Variants in ARHGEF40 observed in about 807,000 individuals in gnomAD.
ARHGEF40 encodes the protein Rho guanine nucleotide exchange factor (GEF) 40.
Under a neutral mutation model 165.9 loss-of-function variants are expected in ARHGEF40, and 98 were observed. The ratio of observed to expected loss-of-function variants is 0.59; its 90% CI spans 0.50 to 0.70. The LOEUF (loss-of-function observed/expected upper bound fraction) is 0.70, where lower values mean the gene tolerates loss of function less well. Ranked by LOEUF, ARHGEF40 falls within the 30% of genes least tolerant of loss-of-function variation. The pLI, the probability that ARHGEF40 is intolerant of heterozygous loss-of-function variation, is 0.00. For synonymous variants in ARHGEF40, 792 were observed against 814.3 expected (o/e 0.97, Z 0.47); for missense variants, 1,815 against 1,968.0 (o/e 0.92, Z 1.47).
At chr14:21,083,776 G>T in intron 16 of ARHGEF40, 59 bp from the exon 17 acceptor site, 6 of 1,512,318 alleles carry the variant, frequency 4.0e-6, no homozygotes, top group South Asian at 1.2e-5. Flanking sequence ...CCCAACCCCT[G>T]AGCTTGGCCC....
intron 17 of ARHGEF40, 138 bp from the exon 18 acceptor site, chr14:21,084,615 C>G: frequency 1.1e-6 from 1 of 912,950 alleles, no homozygotes; most frequent in Non-Finnish European, 1.6e-6. Flanking sequence ...GGACCCTAGG[C>G]TGAGGGCTTC....
chr14:21,090,175 G>T lies in ARHGEF40; in HGVS notation c.*1167G>T. The T allele has an allele frequency of 1.9e-6, 1 of 525,074 alleles. No individual in the cohort carries two copies. Among genetic ancestry groups the T allele is most frequent in the South Asian group, 1.5e-5 (1 of 65,064 alleles). The allele number at this position is 525,074 out of a possible 1,614,324, so 32.5% of individuals were successfully genotyped here. On this transcript the variant is annotated 3_prime_UTR_variant, in exon 24 of 24. Coordinates refer to ENST00000298694, the MANE Select transcript of ARHGEF40 (RefSeq NM_018071.5). This position sits in a 1 kb window ranked among gnomAD's most constrained non-coding sequence, Gnocchi z 4.4. ...GCGACGTCTACAGGGCCCCTGATGGGGCTAGAAGGGTACAGTGCCCCCCAC... is the reference window on the plus strand; with the variant it reads ...GCGACGTCTACAGGGCCCCTGATGGTGCTAGAAGGGTACAGTGCCCCCCAC...
At chr14:21,063,434 G>A in the ARHGEF40 span, among the ~76,000 whole-genome samples, 8 of 152,346 alleles carry the variant, frequency 5.3e-5, no homozygotes, top group Admixed American at 4.6e-4. Context: ...GATTTGGCTT[G>A]GGGTTATTTG....
In ARHGEF40 at chr14:21,082,340, G is replaced by T. The variant is rs61746329; in HGVS notation, c.3348G>T (p.Thr1116=). 0.051 allele frequency: 82,802 copies of T among 1,612,358 alleles called. 2,419 individuals are homozygous for T. Among genetic ancestry groups the T allele is most frequent in the African/African-American group, 0.09 (6,778 of 75,018 alleles). ...EPVPPPGPEL[T]PELRGTWAAA... is the part of the protein sequence containing the mutation. ...TGCCACCCCCTGGGCCTGAGCTGACGCCTGAACTTCGGGGCACCTGGGCTG... is the reference window on the plus strand; with the variant it reads ...TGCCACCCCCTGGGCCTGAGCTGACTCCTGAACTTCGGGGCACCTGGGCTG... Residue 1116 remains threonine (T), a synonymous_variant, in exon 15 of 24, where the codon ACG becomes ACT. Transcript: ENST00000298694.
chr14:21,084,220 T>G (rs1003213366), intron 17 of ARHGEF40, among the ~76,000 whole-genome samples, 170 bp downstream of exon 17: 1 of 152,166 alleles, frequency 6.6e-6, no homozygotes, highest in Admixed American at 6.5e-5. Context: ...GACTTCACTT[T>G]CCTCATTTGT....
In ARHGEF40 at chr14:21,075,469, T is replaced by C. The variant is rs142755673; in HGVS notation, c.1588T>C (p.Leu530=). The C allele has an allele frequency of 6.2e-7, 1 of 1,614,218 alleles. No individual in the cohort carries two copies. The highest frequency in any genetic ancestry group is 2.2e-5 in the East Asian group (1 of 44,888). ...VSDHPDVAWD[L]MASGFLILTG... is the part of the protein sequence containing the mutation. Reference sequence around the variant, plus strand: ...TGATCACCCTGATGTAGCTTGGGACTTGATGGCATCTGGATTCCTCATCCT... The same window carrying C: ...TGATCACCCTGATGTAGCTTGGGACCTGATGGCATCTGGATTCCTCATCCT... The change falls in exon 4 of 24, where the codon TTG becomes CTG. Residue 530 remains leucine (L), a synonymous_variant. Coordinates refer to ENST00000298694, the MANE Select transcript of ARHGEF40 (RefSeq NM_018071.5). The surrounding 1 kb of genome is among the most constrained non-coding windows in gnomAD (Gnocchi z 4.5).
chr14:21,076,293 C>T, intron 5 of ARHGEF40, 67 bp from the exon 6 acceptor site: 1 of 1,321,980 alleles, frequency 7.6e-7, no homozygotes, highest in Non-Finnish European at 1.1e-6. Context: ...GTATGTCTGC[C>T]TTGCCTTATC....
Position 21,072,733 on chromosome 14 carries a change from T to C in ARHGEF40, c.4-312T>C, listed in dbSNP as rs1201177025. ...CCTGTCTTTTCTCTCCTGGGAAAGATCTATGCAATCACCCCAACTCACGAG... is the reference window on the plus strand; with the variant it reads ...CCTGTCTTTTCTCTCCTGGGAAAGACCTATGCAATCACCCCAACTCACGAG... On this transcript the variant is annotated intron_variant, in intron 1 of 23. Transcript: ENST00000298694. The surrounding 1 kb of genome is among the most constrained non-coding windows in gnomAD (Gnocchi z 4.1). Among the ~76,000 whole-genome samples, 12 of 152,056 alleles carry C rather than the reference T, an allele frequency of 7.9e-5. No individual in the cohort carries two copies. Among genetic ancestry groups the C allele is most frequent in the Admixed American group, 7.9e-4 (12 of 15,262 alleles).
intron 13 of ARHGEF40, chr14:21,081,244 G>A (rs1430565334): frequency 4.9e-6 from 4 of 812,562 alleles, no homozygotes; most frequent in South Asian, 3.7e-5. Flanking sequence ...ATTACACGAG[G>A]CAATACATAA....
chr14:21,087,826 G>A, intron 21 of ARHGEF40, 142 bp from the exon 22 acceptor site: 1 of 1,117,332 alleles, frequency 8.9e-7, no homozygotes, highest in Non-Finnish European at 1.3e-6. Context: ...CTTGGTAGGG[G>A]GTTCCCTTGC....
At position 21,078,224 on chromosome 14, in the gene ARHGEF40, A is replaced by T; in HGVS notation, c.2082A>T (p.Val694=). The T allele has an allele frequency of 6.2e-7, 1 of 1,614,092 alleles. No individual in the cohort carries two copies. The highest frequency in any genetic ancestry group is 8.5e-7 in the Non-Finnish European group (1 of 1,180,008). ...CRLCQGVLGS[V]RQAIEELEGA... is the part of the protein sequence containing the mutation. ...TGTGCCAAGGTGTGCTGGGCTCGGTACGGCAGGCCATTGAGGAGCTGGAGG... is the reference window on the plus strand; with the variant it reads ...TGTGCCAAGGTGTGCTGGGCTCGGTTCGGCAGGCCATTGAGGAGCTGGAGG... The change falls in exon 9 of 24, where the codon GTA becomes GTT. Residue 694 remains valine, a synonymous_variant. Transcript: ENST00000298694.
At chr14:21,070,299 T>C, upstream of ARHGEF40, 1 of 1,328,996 alleles carries the variant, frequency 7.5e-7, no homozygotes, top group African/African-American at 1.6e-5. The surrounding 1 kb of genome is among the most constrained non-coding windows in gnomAD (Gnocchi z 4.7). Flanking sequence ...AGCTGTCCCT[T>C]AGCCAGACCC....
chr14:21,074,137 T>G lies in ARHGEF40; in HGVS notation c.407T>G (p.Val136Gly). 1 of 1,614,120 alleles carries G rather than the reference T, an allele frequency of 6.2e-7. No homozygotes were observed. The highest frequency in any genetic ancestry group is 8.5e-7 in the Non-Finnish European group (1 of 1,180,008). ...PGGGRVQEVP[V>G]PNEACAYLFT... ...GGTGGGCGGGTGCAGGAGGTTCCTG[T>G]GCCCAATGAGGCTTGTGCCTACCTA... The change falls in exon 3 of 24, where the codon GTG (valine) becomes GGG (glycine). Residue 136 changes from valine (V) to glycine (G), a missense_variant. Physicochemically the swap from Val to Gly is moderately radical, Grantham distance 109 (BLOSUM62 -3). Coordinates refer to ENST00000298694, the MANE Select transcript of ARHGEF40 (RefSeq NM_018071.5). This position sits in a 1 kb window ranked among gnomAD's most constrained non-coding sequence, Gnocchi z 4.8.
the ARHGEF40 span, among the ~76,000 whole-genome samples, chr14:21,063,846 T>G: frequency 6.6e-5 from 10 of 152,226 alleles, no homozygotes; most frequent in Admixed American, 1.3e-4. Flanking sequence ...CTCATTATGC[T>G]TAAAATTTTT....
chr14:21,064,028 C>G, the ARHGEF40 span, among the ~76,000 whole-genome samples: 2 of 152,166 alleles, frequency 1.3e-5, no homozygotes, highest in African/African-American at 4.8e-5. Context: ...TCACAATCAA[C>G]CTTTTTAATA....
At chr14:21,087,580 A>G in intron 21 of ARHGEF40, 117 bp downstream of exon 21, 2 of 1,407,170 alleles carry the variant, frequency 1.4e-6, no homozygotes, top group Non-Finnish European at 1.9e-6. Context: ...CATGACAACT[A>G]TGTACAGCTT....
At position 21,084,915 on chromosome 14, in the gene ARHGEF40, G is replaced by A. The variant is rs560992398; in HGVS notation, c.3952G>A (p.Ala1318Thr). The change falls in exon 18 of 24, where the codon GCC becomes ACC. Residue 1318 changes from alanine (A) to threonine (T), a missense_variant. Coordinates refer to ENST00000298694, the MANE Select transcript of ARHGEF40 (RefSeq NM_018071.5). ...GGSEMFVYKQ[A>T]FKTADMGLTE... ...GTCAGAGATGTTTGTTTACAAGCAG[G>A]CCTTTAAGGTACGATTCCTGGAGTG... The A allele has an allele frequency of 3.7e-6, 6 of 1,613,882 alleles. No homozygotes were observed. The South Asian group carries it at 6.6e-5, about 18-fold the overall frequency.
At chr14:21,078,147 C>T (rs1887576515) in intron 8 of ARHGEF40, 30 bp from the exon 9 acceptor site, 2 of 1,591,030 alleles carry the variant, frequency 1.3e-6, no homozygotes, top group South Asian at 1.1e-5. Context: ...AACTCTGATC[C>T]TCAACTCCAT....
chr14:21,084,890 G>A lies in ARHGEF40; in HGVS notation c.3927G>A (p.Gly1309=). 1 of 1,614,110 alleles carries A rather than the reference G, an allele frequency of 6.2e-7. No homozygotes were observed. Among genetic ancestry groups the A allele is most frequent in the Non-Finnish European group, 8.5e-7 (1 of 1,180,012 alleles). Residue 1309 remains glycine, a synonymous_variant, in exon 18 of 24, where the codon GGG becomes GGA. Transcript: ENST00000298694. ...LFSKLKGPEG[G]SEMFVYKQAF... Reference sequence around the variant, plus strand: ...GCAAGCTCAAGGGCCCTGAAGGGGGGTCAGAGATGTTTGTTTACAAGCAGG... The same window carrying A: ...GCAAGCTCAAGGGCCCTGAAGGGGGATCAGAGATGTTTGTTTACAAGCAGG...
Sources: gnomAD v4.1 joint callset for allele counts (sites outside exome capture counted in the v4.1 genomes callset) on GRCh38, gnomAD v4.1.1 for gene constraint, Gnocchi (gnomAD v3.1) non-coding constraint, MANE v1.5 for transcripts, NCBI Gene and HGNC (gene_info 2026-07-23, HGNC 2026-07-21) for gene names.